RBFOX1: variants seen among roughly 807,000 people sequenced by gnomAD.
RBFOX1 encodes the protein RNA binding protein fox-1 homolog 1.
RBFOX1 carries 8 observed loss-of-function variants against 57.7 expected under a neutral mutation model. The ratio of observed to expected loss-of-function variants is 0.14; its 90% CI spans 0.08 to 0.25. RBFOX1 has a LOEUF of 0.25. RBFOX1 is among the 10% of genes least tolerant of loss of function. RBFOX1 has a pLI of 1.00. For synonymous variants in RBFOX1, 326 were observed against 222.4 expected, an observed-to-expected ratio of 1.47 and a Z score of -4.15; for missense variants, 611 against 548.5, an observed-to-expected ratio of 1.11 and a Z score of -1.14.
intron 1 of RBFOX1, among the ~76,000 whole-genome samples, chr16:5,246,434 ACCT>A (rs2062302018): frequency 6.6e-6 from 1 of 151,942 alleles, no homozygotes; most frequent in Non-Finnish European, 1.5e-5. Flanking sequence ...ATAACATATC[ACCT>A]CCTCGACTTA....
chr16:6,410,842 C>A (rs1296028382), intron 2 of RBFOX1, among the ~76,000 whole-genome samples: 2 of 152,158 alleles, frequency 1.3e-5, no homozygotes, highest in Non-Finnish European at 1.5e-5. Context: ...TGGTCTGCAC[C>A]ATTCGGCATA....
intron 1 of RBFOX1, among the ~76,000 whole-genome samples, chr16:6,210,361 C>CAAAAAAAAA (rs3064933): frequency 3.4e-4 from 21 of 61,450 alleles, no homozygotes; most frequent in South Asian, 8.1e-4. Context: ...AAAAAAACAC[C>CAAAAAAAAA]AAAAAAAAAA....
At chr16:7,103,803 C>T (rs895496766) in intron 4 of RBFOX1, among the ~76,000 whole-genome samples, 2 of 152,100 alleles carry the variant, frequency 1.3e-5, no homozygotes, top group African/African-American at 4.8e-5. Flanking sequence ...CAGAAATTAC[C>T]AGACTCGTGA....
At chr16:6,153,153 C>G (rs2096811581) in intron 1 of RBFOX1, among the ~76,000 whole-genome samples, 1 of 150,942 alleles carries the variant, frequency 6.6e-6, no homozygotes, top group Non-Finnish European at 1.5e-5. Context: ...TTTGGTGTAC[C>G]CATCACCAGA....
chr16:6,289,505 C>T (rs912542504), intron 1 of RBFOX1, among the ~76,000 whole-genome samples: 10 of 152,224 alleles, frequency 6.6e-5, no homozygotes, highest in Admixed American at 3.9e-4. Flanking sequence ...ATTCTTGAGT[C>T]GGCTAATGCT....
intron 2 of RBFOX1, among the ~76,000 whole-genome samples, chr16:5,496,449 A>G (rs1271437049): frequency 3.9e-5 from 6 of 151,928 alleles, no homozygotes; most frequent in Admixed American, 3.3e-4. Flanking sequence ...GAATGTGTCC[A>G]TCTCAGAGAG....
chr16:6,383,415 C>T (rs981752802), intron 2 of RBFOX1, among the ~76,000 whole-genome samples: 2 of 152,170 alleles, frequency 1.3e-5, no homozygotes, highest in Admixed American at 6.5e-5. Flanking sequence ...CAGTTCTTTT[C>T]TATCTTGCTT....
chr16:7,021,244 C>T (rs976451999), intron 3 of RBFOX1, among the ~76,000 whole-genome samples: 1 of 151,444 alleles, frequency 6.6e-6, no homozygotes. Context: ...TTGCGTCGGC[C>T]CCCACCTCAT....
At chr16:6,382,373 G>T (rs931523240) in intron 2 of RBFOX1, among the ~76,000 whole-genome samples, 1 of 152,186 alleles carries the variant, frequency 6.6e-6, no homozygotes, top group African/African-American at 2.4e-5. Flanking sequence ...TTGTGTTTTT[G>T]TGCTTGCTTT....
intron 3 of RBFOX1, among the ~76,000 whole-genome samples, chr16:6,826,424 A>G (rs907251782): frequency 1.3e-5 from 2 of 152,136 alleles, no homozygotes; most frequent in African/African-American, 2.4e-5. Flanking sequence ...CGCTGGGATC[A>G]TTAGCACTCA....
rs878973439 is a variant in RBFOX1, at chr16:7,711,754, G to C, written c.*1009G>C. ...TTTTAGCCTAGTAGAACAACTGTTA[G>C]AGACAGACGTATAATTTTTATGGAA... is the stretch of plus-strand genomic sequence containing the variant. On this transcript the variant is annotated 3_prime_UTR_variant, in exon 16 of 16. Transcript: ENST00000550418. The C allele has an allele frequency of 3.9e-5, 6 of 152,680 alleles. No individual in the cohort carries two copies. In the South Asian group the frequency reaches 1.0e-3, roughly 26 times the overall value. The allele number at this position is 152,680 out of a possible 1,614,324, so 9.5% of individuals were successfully genotyped here.
At chr16:7,510,510 T>G (rs866849835) in intron 4 of RBFOX1, among the ~76,000 whole-genome samples, 29 of 130,814 alleles carry the variant, frequency 2.2e-4, no homozygotes, top group East Asian at 4.4e-4. Flanking sequence ...TGTGTGTGTG[T>G]GGGCGCGCGC....
intron 1 of RBFOX1, among the ~76,000 whole-genome samples, chr16:6,281,669 C>G (rs528451915): frequency 2.6e-5 from 4 of 152,224 alleles, no homozygotes; most frequent in Non-Finnish European, 5.9e-5. Context: ...ACCTCAGTTA[C>G]TTTTGTGCCG....
At chr16:6,542,979 G>C (rs1461865542) in intron 2 of RBFOX1, among the ~76,000 whole-genome samples, 1 of 152,088 alleles carries the variant, frequency 6.6e-6, no homozygotes, top group Non-Finnish European at 1.5e-5. Flanking sequence ...TATCCTGGAT[G>C]CCCTACTCTT....
intron 4 of RBFOX1, among the ~76,000 whole-genome samples, chr16:7,066,088 A>T (rs1468992739): frequency 2.0e-5 from 3 of 152,234 alleles, no homozygotes; most frequent in Non-Finnish European, 4.4e-5. Context: ...GAGTGTTTTG[A>T]TAGTATTTGC....
Position 6,597,036 on chromosome 16 carries a change from T to A in RBFOX1, c.-63-57567T>A, listed in dbSNP as rs576683163. Among the ~76,000 whole-genome samples the A allele has an allele frequency of 1.0e-3, 152 of 152,282 alleles. 1 individual carries two copies. Among genetic ancestry groups the A allele is most frequent in the African/African-American group, 3.4e-3 (140 of 41,570 alleles). Reference sequence around the variant, plus strand: ...CTTTCTTATCAACTTGGTAAAGGTTTGATTTTCTTGCCCCCTACAGTGGCT... The same window carrying A: ...CTTTCTTATCAACTTGGTAAAGGTTAGATTTTCTTGCCCCCTACAGTGGCT... On this transcript the variant is annotated intron_variant, in intron 2 of 15. Coordinates refer to ENST00000550418, the MANE Select transcript of RBFOX1 (RefSeq NM_018723.4).
chr16:7,221,492 G>T (rs1463972845), intron 4 of RBFOX1, among the ~76,000 whole-genome samples: 3 of 151,954 alleles, frequency 2.0e-5, no homozygotes, highest in Admixed American at 2.0e-4. Context: ...TCAGCTTCCA[G>T]AGTAGCTGGG....
At chr16:6,846,540 C>T (rs923571766) in intron 3 of RBFOX1, among the ~76,000 whole-genome samples, 1 of 152,136 alleles carries the variant, frequency 6.6e-6, no homozygotes, top group Admixed American at 6.5e-5. Flanking sequence ...GGGGAGGAAT[C>T]AAGGGAGCTG....
At chr16:5,541,535 G>A (rs1029525534) in intron 2 of RBFOX1, among the ~76,000 whole-genome samples, 6 of 152,108 alleles carry the variant, frequency 3.9e-5, no homozygotes, top group African/African-American at 1.4e-4. Context: ...AGAGACAAAG[G>A]GTTGCATTCT....
Sources: allele counts gnomAD v4.1 joint callset (sites outside exome capture counted in the v4.1 genomes callset), GRCh38; gene constraint gnomAD v4.1.1; transcripts MANE v1.5; gene names NCBI Gene and HGNC (gene_info 2026-07-23, HGNC 2026-07-21).